Variants in ATP10D observed in about 807,000 individuals in gnomAD.
The protein encoded by ATP10D is ATPase phospholipid transporting 10D (putative).
A neutral mutation model predicts 144.8 loss-of-function variants in ATP10D; 89 were observed. The ratio of observed to expected loss-of-function variants is 0.61; its 90% CI spans 0.52 to 0.73. The LOEUF (loss-of-function observed/expected upper bound fraction) is 0.73. Among genes scored for constraint, ATP10D ranks in the 30% least tolerant of loss-of-function variants. ATP10D has a pLI of 0.00. For missense variants in ATP10D, 1,603 were observed against 1,714.8 expected (o/e 0.93, Z 1.15); for synonymous variants, 571 against 615.1 (o/e 0.93, Z 1.06).
chr4:47,553,600 G>A lies in ATP10D; in HGVS notation c.1636-1126G>A, dbSNP rs571224731. ...CTCATTTACTTTATACAGCCACCTG[G>A]GAGGTAAGTGTTATTTTTACCATTA... On this transcript the variant is annotated intron_variant, in intron 10 of 22. Transcript: ENST00000273859. Among the ~76,000 whole-genome samples the A allele has an allele frequency of 2.0e-5, 3 of 152,284 alleles. No individual in the cohort carries two copies. In the South Asian group the frequency reaches 6.2e-4, roughly 32 times the overall value.
intron 1 of ATP10D, among the ~76,000 whole-genome samples, chr4:47,492,044 C>T (rs1322435221): frequency 6.6e-6 from 1 of 152,088 alleles, no homozygotes; most frequent in African/African-American, 2.4e-5. Context: ...TAATTTTGTC[C>T]GTTTTGTTCC....
intron 16 of ATP10D, among the ~76,000 whole-genome samples, chr4:47,569,629 G>A (rs1180239579): frequency 2.0e-5 from 3 of 152,286 alleles, no homozygotes; most frequent in East Asian, 1.9e-4. Context: ...CTTACATCTA[G>A]TAGGAAGGCA....
At chr4:47,495,552 A>G (rs779472855) in intron 1 of ATP10D, among the ~76,000 whole-genome samples, 1 of 152,186 alleles carries the variant, frequency 6.6e-6, no homozygotes, top group Non-Finnish European at 1.5e-5. Context: ...AAAATCTGCT[A>G]TTAATAGACT....
Position 47,558,265 on chromosome 4 carries a change from C to T in ATP10D, c.2426C>T (p.Ala809Val). Residue 809 changes from alanine (A) to valine (V), a missense_variant, in exon 12 of 23, where the codon GCT (alanine) becomes GTT (valine). By Grantham distance (64) the Ala-to-Val change is moderately conservative (BLOSUM62 0). Transcript: ENST00000273859. The part of the protein sequence containing the change: ...DSVIMELLSV[A>V]SPDGASLEKQ... The stretch of plus-strand genomic sequence containing the variant: ...GTGATCATGGAGTTACTGTCGGTGG[C>T]TTCCCCAGGTAAGTTTATACAAAAG... 6.2e-7 allele frequency: 1 copy of T among 1,611,712 alleles called. No homozygotes were observed. Among genetic ancestry groups the T allele is most frequent in the Non-Finnish European group, 8.5e-7 (1 of 1,178,056 alleles).
chr4:47,575,591 A>C (rs367857969), intron 18 of ATP10D, among the ~76,000 whole-genome samples: 1 of 152,062 alleles, frequency 6.6e-6, no homozygotes, highest in Non-Finnish European at 1.5e-5. Flanking sequence ...TGCCTACTCC[A>C]TGTCTGTGCC....
intron 9 of ATP10D, among the ~76,000 whole-genome samples, chr4:47,541,640 A>G (rs4695247): frequency 0.36 from 54,088 of 152,044 alleles, 9,987 homozygotes; most frequent in African/African-American, 0.44. Flanking sequence ...TGATGATACA[A>G]TTGAAGGAAG....
At position 47,593,078 on chromosome 4, in the gene ATP10D, C is replaced by CTGA. The variant is rs1721113769; in HGVS notation, c.*1699_*1701dup. The CTGA allele has an allele frequency of 6.6e-6, 1 of 151,948 alleles. No homozygotes were observed. Among genetic ancestry groups the CTGA allele is most frequent in the African/African-American group, 2.4e-5 (1 of 41,376 alleles). 9.4% of individuals were successfully genotyped at this position (151,948 alleles called of 1,614,324 possible). A position where few individuals can be genotyped will look rare whatever the true frequency, so the allele number is the denominator to read the frequency against. On this transcript the variant is annotated 3_prime_UTR_variant, in exon 23 of 23. Coordinates refer to ENST00000273859, the MANE Select transcript of ATP10D (RefSeq NM_020453.4). ...ATTCATTCCCTGAAATCGTCGTCTC[C>CTGA]TGATAAACAATAATTTAGAGATATG...
At chr4:47,493,527 C>G (rs564902090) in intron 1 of ATP10D, among the ~76,000 whole-genome samples, 1 of 152,332 alleles carries the variant, frequency 6.6e-6, no homozygotes, top group South Asian at 2.1e-4. Context: ...TTAAAGTAAG[C>G]TCAGCTAAGC....
intron 15 of ATP10D, 80 bp downstream of exon 15, chr4:47,563,845 T>TAA: frequency 1.9e-5 from 23 of 1,182,320 alleles, no homozygotes; most frequent in South Asian, 6.4e-5. Flanking sequence ...ATGCAAGGAT[T>TAA]AAAAAAAAAA....
intron 19 of ATP10D, among the ~76,000 whole-genome samples, chr4:47,580,150 G>A (rs1434856538): frequency 2.0e-5 from 3 of 152,192 alleles, no homozygotes; most frequent in African/African-American, 7.2e-5. Flanking sequence ...ATTTCAGCTA[G>A]ATTTAAAATT....
At chr4:47,553,068 C>G (rs1718803087) in intron 10 of ATP10D, among the ~76,000 whole-genome samples, 1 of 152,220 alleles carries the variant, frequency 6.6e-6, no homozygotes, top group East Asian at 1.9e-4. Context: ...CTCATAAGCA[C>G]TAGACAAGAG....
intron 5 of ATP10D, among the ~76,000 whole-genome samples, chr4:47,534,962 A>T (rs1577656717): frequency 6.6e-6 from 1 of 152,278 alleles, no homozygotes; most frequent in Non-Finnish European, 1.5e-5. Context: ...TTATGTACAC[A>T]CCATGGAATA....
chr4:47,505,019 T>A (rs1415920164), intron 1 of ATP10D, among the ~76,000 whole-genome samples: 1 of 152,242 alleles, frequency 6.6e-6, no homozygotes, highest in Admixed American at 6.5e-5. Context: ...TTGTTCTTTC[T>A]TGGTCAACTT....
chr4:47,559,978 C>T (rs890806492), intron 13 of ATP10D, among the ~76,000 whole-genome samples: 5 of 151,960 alleles, frequency 3.3e-5, no homozygotes, highest in African/African-American at 4.8e-5. Context: ...CCAGCCTGGA[C>T]GACAGAGCAA....
chr4:47,494,606 A>AGATT (rs1715258992), intron 1 of ATP10D, among the ~76,000 whole-genome samples: 1 of 151,414 alleles, frequency 6.6e-6, no homozygotes, highest in Non-Finnish European at 1.5e-5. Flanking sequence ...GGAATGTTGT[A>AGATT]GATTGGTCAT....
chr4:47,574,751 A>G (rs1394016245), intron 18 of ATP10D, among the ~76,000 whole-genome samples: 1 of 151,926 alleles, frequency 6.6e-6, no homozygotes, highest in South Asian at 2.1e-4. Context: ...TATGATGACA[A>G]TAATTTTTTT....
intron 21 of ATP10D, among the ~76,000 whole-genome samples, chr4:47,584,173 T>C (rs1390769654): frequency 1.3e-5 from 2 of 152,094 alleles, no homozygotes; most frequent in Admixed American, 1.3e-4. Flanking sequence ...TGCAGGTCTC[T>C]TGTTAATAAA....
At chr4:47,581,868 G>A (rs974977438) in intron 20 of ATP10D, 92 bp from the exon 21 acceptor site, 1 of 973,290 alleles carries the variant, frequency 1.0e-6, no homozygotes, top group Non-Finnish European at 1.6e-6. Context: ...TTGTAGAAGG[G>A]ATTCAAGCCT....
intron 1 of ATP10D, among the ~76,000 whole-genome samples, chr4:47,492,050 G>C (rs1362750443): frequency 6.6e-6 from 1 of 152,124 alleles, no homozygotes; most frequent in Non-Finnish European, 1.5e-5. Flanking sequence ...TGTCCGTTTT[G>C]TTCCCTGGTT....
Sources: gnomAD v4.1 joint callset for allele counts (sites outside exome capture counted in the v4.1 genomes callset) on GRCh38, gnomAD v4.1.1 for gene constraint, MANE v1.5 for transcripts, NCBI Gene and HGNC (gene_info 2026-07-23, HGNC 2026-07-21) for gene names.